ACKR2: variants seen among roughly 807,000 people sequenced by gnomAD.
ACKR2 encodes C-C chemokine receptor D6.
For missense variants in ACKR2, 457 were observed against 477.3 expected (o/e 0.96, Z 0.40); for synonymous variants, 207 against 192.2 (o/e 1.08, Z -0.64).
intron 2 of ACKR2, among the ~76,000 whole-genome samples, chr3:42,840,999 A>T (rs140641801): frequency 6.6e-6 from 1 of 152,148 alleles, no homozygotes; most frequent in African/African-American, 2.4e-5. Context: ...CAAGTGTCTT[A>T]ACCTTTTTTG....
intron 2 of ACKR2, among the ~76,000 whole-genome samples, chr3:42,824,585 G>A (rs1381023831): frequency 3.3e-5 from 5 of 152,038 alleles, no homozygotes; most frequent in Non-Finnish European, 5.9e-5. Context: ...AAATGGAATC[G>A]TACAATATAT....
rs774106382 is a variant in ACKR2, at chr3:42,864,590, G to T, written c.88G>T (p.Glu30Ter). 3.1e-6 allele frequency: 5 copies of T among 1,614,224 alleles called. No homozygotes were observed. In the Admixed American group the frequency reaches 8.3e-5, roughly 27 times the overall value. ...CTTCTATTACTATGACTACCTGGAT[G>T]AAGTGGCCTTCATGCTCTGCAGGAA... ...SSFYYYDYLD[E>*]VAFMLCRKDA... is the part of the protein sequence containing the mutation. Residue 30 changes from glutamate to a stop codon, truncating the protein, a stop_gained, in exon 3 of 3, where the codon GAA becomes TAA. Transcript: ENST00000422265. LOFTEE classifies it low-confidence loss of function (END_TRUNC).
chr3:42,816,993 C>T (rs764149333), intron 1 of ACKR2, among the ~76,000 whole-genome samples: 6 of 152,160 alleles, frequency 3.9e-5, no homozygotes, highest in Admixed American at 1.3e-4. Context: ...TCAAAAGACA[C>T]GGCTTTGAAT....
At chr3:42,812,197 C>T (rs1388530481) in intron 1 of ACKR2, among the ~76,000 whole-genome samples, 1 of 152,188 alleles carries the variant, frequency 6.6e-6, no homozygotes, top group Non-Finnish European at 1.5e-5. Context: ...AGTTTTCTTT[C>T]CCTCAGGGTT....
chr3:42,838,416 A>G (rs1030188234), intron 2 of ACKR2, among the ~76,000 whole-genome samples: 3 of 152,368 alleles, frequency 2.0e-5, no homozygotes, highest in East Asian at 3.9e-4. Flanking sequence ...TGAAGAAGAT[A>G]TAGGGATGTC....
chr3:42,843,314 GC>G (rs201001650), intron 2 of ACKR2, among the ~76,000 whole-genome samples: 6 of 151,836 alleles, frequency 4.0e-5, no homozygotes, highest in East Asian at 3.9e-4. Flanking sequence ...CAAGTGATCT[GC>G]CCCCCCAGCC....
At chr3:42,825,040 A>G (rs969487776) in intron 2 of ACKR2, among the ~76,000 whole-genome samples, 1 of 152,142 alleles carries the variant, frequency 6.6e-6, no homozygotes, top group East Asian at 1.9e-4. Context: ...GGGTTTATTT[A>G]TGGACTCTCA....
intron 1 of ACKR2, among the ~76,000 whole-genome samples, chr3:42,811,607 C>T (rs757066368): frequency 5.9e-5 from 9 of 152,022 alleles, no homozygotes; most frequent in African/African-American, 1.9e-4. Flanking sequence ...GCCTGTCACC[C>T]GTAAAGGGTC....
intron 2 of ACKR2, among the ~76,000 whole-genome samples, chr3:42,854,520 C>T (rs1023910603): frequency 3.3e-5 from 5 of 152,262 alleles, no homozygotes; most frequent in Middle Eastern, 3.4e-3. Context: ...TTCCACCTCA[C>T]GTTGTGAGGG....
chr3:42,865,293 T>G lies in ACKR2; in HGVS notation c.791T>G (p.Phe264Cys), dbSNP rs778062440. The change falls in exon 3 of 3, where the codon TTC (phenylalanine) becomes TGC (cysteine). Residue 264 changes from phenylalanine to cysteine, a missense_variant. Transcript: ENST00000422265. ...ALVVAFFVLW[F>C]PYNLTLFLHT... ...GTGGTGGCCTTCTTCGTGCTATGGT[T>G]CCCATACAATCTCACCTTGTTTCTG... The G allele has an allele frequency of 6.2e-7, 1 of 1,614,176 alleles. No homozygotes were observed.
rs1256633223 is a variant in ACKR2 at position 42,866,899 on chromosome 3, G to A, written c.*1242G>A. On this transcript the variant is annotated 3_prime_UTR_variant, in exon 3 of 3. Transcript: ENST00000422265. ...ATTGATTTTTTTTTTTTTGAGACAG[G>A]ATCTCACTCTGTCATCCAGGCTGAA... 1.2e-5 allele frequency: 2 copies of A among 165,514 alleles called. No individual in the cohort carries two copies. Among genetic ancestry groups the A allele is most frequent in the African/African-American group, 4.9e-5 (2 of 41,120 alleles). 10.3% of individuals were successfully genotyped at this position (165,514 alleles called of 1,614,324 possible).
chr3:42,848,401 A>G (rs1701120118), intron 2 of ACKR2, among the ~76,000 whole-genome samples: 1 of 151,802 alleles, frequency 6.6e-6, no homozygotes, highest in Non-Finnish European at 1.5e-5. Flanking sequence ...TGTTTTTTGC[A>G]GAGATGAGGT....
At chr3:42,861,418 G>A (rs771794779) in intron 2 of ACKR2, among the ~76,000 whole-genome samples, 5 of 152,152 alleles carry the variant, frequency 3.3e-5, no homozygotes, top group Non-Finnish European at 5.9e-5. Flanking sequence ...ATTCACAGCT[G>A]AATTCTATCA....
At chr3:42,860,187 A>AAAAAAAAC (rs1340814378) in intron 2 of ACKR2, among the ~76,000 whole-genome samples, 1 of 145,950 alleles carries the variant, frequency 6.9e-6, no homozygotes, top group African/African-American at 2.6e-5. Context: ...AAAAAAAAAA[A>AAAAAAAAC]AAGCAGGGGA....
intron 2 of ACKR2, among the ~76,000 whole-genome samples, chr3:42,845,032 G>C (rs1415375911): frequency 6.6e-6 from 1 of 152,112 alleles, no homozygotes; most frequent in East Asian, 1.9e-4. Flanking sequence ...GATTGCTTCA[G>C]GCTAGGGCAT....
chr3:42,858,024 C>T (rs892323837), intron 2 of ACKR2, among the ~76,000 whole-genome samples: 6 of 152,246 alleles, frequency 3.9e-5, no homozygotes, highest in Non-Finnish European at 8.8e-5. Flanking sequence ...CAGCCCCAGT[C>T]AGGGGCTTAT....
chr3:42,851,248 G>A, intron 2 of ACKR2: 3 of 476,092 alleles, frequency 6.3e-6, no homozygotes, highest in Non-Finnish European at 8.2e-6. Flanking sequence ...TGGCTATGCA[G>A]CTGAGATGAG....
intron 2 of ACKR2, among the ~76,000 whole-genome samples, chr3:42,859,399 G>A (rs2195225): frequency 0.37 from 55,951 of 149,482 alleles, 11,232 homozygotes; most frequent in East Asian, 0.67. Context: ...TTTTTTTTGA[G>A]ACAGAGTCTC....
At chr3:42,820,460 G>T (rs988827520) in intron 2 of ACKR2, among the ~76,000 whole-genome samples, 1 of 151,954 alleles carries the variant, frequency 6.6e-6, no homozygotes, top group African/African-American at 2.4e-5. Flanking sequence ...AGATGTGGTG[G>T]TGGGCGCCTG....
Sources: allele counts gnomAD v4.1 joint callset (sites outside exome capture counted in the v4.1 genomes callset), GRCh38; gene constraint gnomAD v4.1.1; transcripts MANE v1.5; gene names NCBI Gene and HGNC (gene_info 2026-07-23, HGNC 2026-07-21).